Variants in KCNN3 observed in about 807,000 individuals in gnomAD.
The protein encoded by KCNN3 is potassium calcium-activated channel subfamily N member 3, also known as small conductance calcium-activated potassium channel protein 3.
In KCNN3, 16 loss-of-function variants were observed where a neutral mutation model predicts 62.9. That is an observed-to-expected ratio of 0.25 (90% CI 0.17 to 0.39). The LOEUF (loss-of-function observed/expected upper bound fraction) is 0.39. Ranked by LOEUF, KCNN3 falls within the 10% of genes least tolerant of loss-of-function variation. The pLI, the probability that KCNN3 is intolerant of heterozygous loss-of-function variation, is 1.00. For synonymous variants in KCNN3, 370 were observed against 389.2 expected (o/e 0.95, Z 0.58); for missense variants, 599 against 949.4 (o/e 0.63, Z 4.85).
intron 3 of KCNN3, among the ~76,000 whole-genome samples, chr1:154,743,007 C>T (rs1313153050): frequency 6.6e-6 from 1 of 152,196 alleles, no homozygotes; most frequent in Non-Finnish European, 1.5e-5. Flanking sequence ...TGACTTGCAG[C>T]TTAAACCCCT....
chr1:154,730,879 G>A (rs1252893246), intron 4 of KCNN3, among the ~76,000 whole-genome samples: 1 of 152,158 alleles, frequency 6.6e-6, no homozygotes, highest in Non-Finnish European at 1.5e-5. Flanking sequence ...AAAAGGGGGT[G>A]CTGAAAGACA....
intron 1 of KCNN3, among the ~76,000 whole-genome samples, chr1:154,860,058 A>C (rs1652701576): frequency 6.6e-6 from 1 of 152,156 alleles, no homozygotes; most frequent in South Asian, 2.1e-4. Context: ...AGCCCTGGGC[A>C]CGTCCCTCCC....
At position 154,870,242 on chromosome 1, in the gene KCNN3, G is replaced by C. The variant is rs1653130341; in HGVS notation, c.-278C>G. 4.8e-6 allele frequency: 3 copies of C among 623,770 alleles called. No individual in the cohort carries two copies. Among genetic ancestry groups the C allele is most frequent in the South Asian group, 1.5e-5 (1 of 64,876 alleles). The allele number at this position is 623,770 out of a possible 1,614,324, so 38.6% of individuals were successfully genotyped here. A position where few individuals can be genotyped will look rare whatever the true frequency, so the allele number is the denominator to read the frequency against. Reference sequence around the variant, plus strand: ...TCTCAGGAGGTGGTCCTCTAGGAGCGTGTGAGGCCAGGCTCAGCTTCACTC... The same window carrying C: ...TCTCAGGAGGTGGTCCTCTAGGAGCCTGTGAGGCCAGGCTCAGCTTCACTC... On this transcript the variant is annotated 5_prime_UTR_variant, in exon 1 of 8. Transcript: ENST00000271915.
chr1:154,772,129 C>T lies in KCNN3; in HGVS notation c.1294G>A (p.Ala432Thr), dbSNP rs1325913224. 6.2e-7 allele frequency: 1 copy of T among 1,614,208 alleles called. No homozygotes were observed. The highest frequency in any genetic ancestry group is 8.5e-7 in the Non-Finnish European group (1 of 1,180,048). The change falls in exon 3 of 8, where the codon GCC (alanine) becomes ACC (threonine). Residue 432 changes from alanine (A) to threonine (T), a missense_variant. This residue lies in a region of KCNN3 where 288 missense variants were observed against 557.4 expected (regional missense o/e 0.52). Coordinates refer to ENST00000271915, the MANE Select transcript of KCNN3 (RefSeq NM_002249.6). This position sits in a 1 kb window ranked among gnomAD's most constrained non-coding sequence, Gnocchi z 5.6. ...MLLHSKLFTD[A>T]SSRSIGALNK... ...AGGGCCCCGATGCTGCGGGACGAGG[C>T]ATCGGTGAAGAGCTTGCTGTGCAGC...
intron 2 of KCNN3, among the ~76,000 whole-genome samples, chr1:154,811,331 G>A (rs1304126112): frequency 6.6e-6 from 1 of 152,132 alleles, no homozygotes; most frequent in Admixed American, 6.5e-5. Context: ...GGAGATGGAT[G>A]GTGGTGACAA....
At chr1:154,729,218 T>TG (rs919923153) in intron 4 of KCNN3, among the ~76,000 whole-genome samples, 2 of 152,118 alleles carry the variant, frequency 1.3e-5, no homozygotes, top group Admixed American at 6.6e-5. Context: ...GGGGTCAGAC[T>TG]GGGGGGAAGA....
intron 1 of KCNN3, among the ~76,000 whole-genome samples, chr1:154,855,907 G>A (rs556802527): frequency 2.0e-5 from 3 of 152,286 alleles, no homozygotes; most frequent in African/African-American, 7.2e-5. Context: ...GGAAACTGAG[G>A]CAGCTTAGCT....
Position 154,702,755 on chromosome 1 carries a change from T to C in KCNN3, c.*5221A>G, listed in dbSNP as rs1190164800. On this transcript the variant is annotated 3_prime_UTR_variant, in exon 8 of 8. Coordinates refer to ENST00000271915, the MANE Select transcript of KCNN3 (RefSeq NM_002249.6). ...TATATATATATATATATATGTACTT[T>C]TTCTTTTTGGCTATAAATGTCAACA... is the stretch of plus-strand genomic sequence containing the variant. 4 of 141,660 alleles carry C rather than the reference T, an allele frequency of 2.8e-5. No individual in the cohort carries two copies. Among genetic ancestry groups the C allele is most frequent in the African/African-American group, 1.0e-4 (4 of 39,056 alleles). 8.8% of individuals were successfully genotyped at this position (141,660 alleles called of 1,614,324 possible). A position where few individuals can be genotyped will look rare whatever the true frequency, so the allele number is the denominator to read the frequency against.
intron 2 of KCNN3, among the ~76,000 whole-genome samples, chr1:154,811,095 G>A (rs1322579808): frequency 6.6e-6 from 1 of 152,250 alleles, no homozygotes; most frequent in African/African-American, 2.4e-5. Context: ...GAGATCAACA[G>A]ATGGAGGCGA....
At chr1:154,812,366 G>A (rs529482761) in intron 2 of KCNN3, among the ~76,000 whole-genome samples, 9 of 151,812 alleles carry the variant, frequency 5.9e-5, no homozygotes, top group South Asian at 2.1e-4. Context: ...CCATTAACTC[G>A]TCATTTACAT....
chr1:154,814,359 CA>C (rs1650567646), intron 2 of KCNN3, among the ~76,000 whole-genome samples: 1 of 152,200 alleles, frequency 6.6e-6, no homozygotes, highest in South Asian at 2.1e-4. Flanking sequence ...ACAGTGAAAC[CA>C]ATACAGTCCC....
At chr1:154,769,030 CTTA>C (rs534312942) in intron 3 of KCNN3, among the ~76,000 whole-genome samples, 17 of 152,184 alleles carry the variant, frequency 1.1e-4, no homozygotes, top group African/African-American at 3.9e-4. Context: ...TGGCTCCACG[CTTA>C]TTATTAATAG....
intron 1 of KCNN3, among the ~76,000 whole-genome samples, chr1:154,842,901 G>A (rs573219747): frequency 9.2e-5 from 14 of 152,192 alleles, no homozygotes; most frequent in South Asian, 2.1e-4. Flanking sequence ...CCACTTCCTC[G>A]CCATGTGACC....
At chr1:154,818,383 CA>C (rs1021042528) in intron 2 of KCNN3, among the ~76,000 whole-genome samples, 8 of 152,202 alleles carry the variant, frequency 5.3e-5, no homozygotes, top group Admixed American at 1.3e-4. Context: ...CAGCCTCTCC[CA>C]GGGGGGCCAG....
At chr1:154,829,313 A>T (rs1651283754) in intron 1 of KCNN3, among the ~76,000 whole-genome samples, 1 of 152,232 alleles carries the variant, frequency 6.6e-6, no homozygotes, top group Admixed American at 6.5e-5. Flanking sequence ...TCGAGTGACC[A>T]GCTCTCTCCA....
chr1:154,727,067 C>T (rs1354629508), intron 4 of KCNN3, among the ~76,000 whole-genome samples: 2 of 152,252 alleles, frequency 1.3e-5, no homozygotes. Context: ...TTCAGAGACT[C>T]ACTACTCCCC....
intron 3 of KCNN3, among the ~76,000 whole-genome samples, chr1:154,769,318 T>G (rs1648445627): frequency 6.6e-6 from 1 of 152,186 alleles, no homozygotes; most frequent in South Asian, 2.1e-4. Context: ...TATACCTAAG[T>G]CTTTGGTCAA....
intron 3 of KCNN3, among the ~76,000 whole-genome samples, chr1:154,755,519 GAAAGA>G (rs1557959188): frequency 6.8e-5 from 4 of 59,104 alleles, no homozygotes; most frequent in African/African-American, 1.0e-4. Flanking sequence ...AAGAAAGAAA[GAAAGA>G]AAGAAGAAGA....
intron 2 of KCNN3, among the ~76,000 whole-genome samples, chr1:154,802,497 C>T (rs1027061368): frequency 3.3e-5 from 5 of 152,188 alleles, no homozygotes; most frequent in Admixed American, 6.5e-5. Context: ...GTATGGAGCC[C>T]AGCCCTGCTG....
Sources: allele counts gnomAD v4.1 joint callset (sites outside exome capture counted in the v4.1 genomes callset), GRCh38; gene constraint gnomAD v4.1.1; regional missense constraint gnomAD v4.1.1; non-coding constraint Gnocchi (gnomAD v3.1); transcripts MANE v1.5; gene names NCBI Gene and HGNC (gene_info 2026-07-23, HGNC 2026-07-21).